Variants in GLIS3 observed in about 807,000 individuals in gnomAD.
GLIS3 encodes the protein zinc finger protein GLIS3.
In GLIS3, 53 loss-of-function variants were observed where a neutral mutation model predicts 78.6. That is an observed-to-expected ratio of 0.67 (90% CI 0.54 to 0.85). The LOEUF is 0.85. GLIS3 is among the 40% of genes least tolerant of loss of function. GLIS3 has a pLI of 0.00. For synonymous variants in GLIS3, 684 were observed against 509.9 expected, an observed-to-expected ratio of 1.34 and a Z score of -4.60; for missense variants, 1,703 against 1,231.1, an observed-to-expected ratio of 1.38 and a Z score of -5.74.
At chr9:4,143,288 C>T (rs925475657) in intron 2 of GLIS3, among the ~76,000 whole-genome samples, 6 of 151,908 alleles carry the variant, frequency 3.9e-5, no homozygotes, top group Non-Finnish European at 7.4e-5. Context: ...CTCTCTTGGC[C>T]GGGCACAGTG....
the GLIS3 span, among the ~76,000 whole-genome samples, chr9:4,474,857 C>T: frequency 1.3e-5 from 2 of 151,866 alleles, no homozygotes; most frequent in Non-Finnish European, 1.5e-5. Flanking sequence ...CCACCACACC[C>T]AGCTGATTTT....
chr9:3,842,231 T>G (rs1173732753), intron 9 of GLIS3, among the ~76,000 whole-genome samples: 1 of 152,136 alleles, frequency 6.6e-6, no homozygotes, highest in Non-Finnish European at 1.5e-5. Context: ...CCCAGCATGT[T>G]GGGAGGCCGA....
chr9:3,898,421 C>G, intron 7 of GLIS3: 1 of 482,600 alleles, frequency 2.1e-6, no homozygotes, highest in Non-Finnish European at 3.8e-6. Flanking sequence ...TGTAACATAA[C>G]TGCGAGGGTT....
intron 9 of GLIS3, among the ~76,000 whole-genome samples, chr9:3,841,863 A>G (rs1050543938): frequency 1.3e-5 from 2 of 152,222 alleles, no homozygotes; most frequent in African/African-American, 4.8e-5. Context: ...GCCTGGTGTT[A>G]CCTGTCATCC....
chr9:3,986,425 T>A (rs933297330), intron 4 of GLIS3, among the ~76,000 whole-genome samples: 1 of 152,232 alleles, frequency 6.6e-6, no homozygotes, highest in Non-Finnish European at 1.5e-5. Flanking sequence ...ACCCCCACTG[T>A]GATCTCTCAA....
upstream of GLIS3, among the ~76,000 whole-genome samples, chr9:4,300,764 G>A (rs1219302474): frequency 1.3e-5 from 2 of 151,778 alleles, no homozygotes; most frequent in Non-Finnish European, 2.9e-5. Context: ...GCCCTCAAAA[G>A]GTTGTTACAA....
Position 4,286,218 on chromosome 9 carries a change from G to T in GLIS3, c.208C>A (p.Pro70Thr). Residue 70 changes from proline to threonine, a missense_variant, in exon 2 of 11, where the codon CCT becomes ACT. By Grantham distance (38) the Pro-to-Thr change is conservative (BLOSUM62 -1). Transcript: ENST00000381971. ...LKMPSGGGMA[P>T]QNNVAESRIH... is the part of the protein sequence containing the mutation. The stretch of plus-strand genomic sequence containing the variant: ...CGGCTCTCAGCCACGTTGTTCTGAG[G>T]AGCCATCCCTCCTCCTGAGGGCATC... The T allele has an allele frequency of 6.2e-7, 1 of 1,614,206 alleles. No homozygotes were observed. The highest frequency in any genetic ancestry group is 1.3e-5 in the African/African-American group (1 of 75,044).
intron 4 of GLIS3, among the ~76,000 whole-genome samples, chr9:3,943,993 G>C (rs917824729): frequency 6.6e-6 from 1 of 152,160 alleles, no homozygotes; most frequent in African/African-American, 2.4e-5. Context: ...TTCCTGGCTT[G>C]TTGCGCTGCT....
At chr9:3,905,660 G>A (rs944972939) in intron 6 of GLIS3, among the ~76,000 whole-genome samples, 8 of 152,054 alleles carry the variant, frequency 5.3e-5, no homozygotes, top group Non-Finnish European at 8.8e-5. Flanking sequence ...TTCCCTTGAC[G>A]ATCACCCCTG....
At chr9:4,474,792 T>C in the GLIS3 span, among the ~76,000 whole-genome samples, 1 of 148,268 alleles carries the variant, frequency 6.7e-6, no homozygotes, top group African/African-American at 2.5e-5. Flanking sequence ...AACCTCCCAG[T>C]CTCAAGTGAT....
At chr9:4,244,457 A>C (rs1036420378) in intron 2 of GLIS3, among the ~76,000 whole-genome samples, 11 of 152,248 alleles carry the variant, frequency 7.2e-5, no homozygotes, top group East Asian at 1.9e-4. Context: ...GTACAAAAAG[A>C]AAGCAGGTTG....
At chr9:4,225,950 T>C (rs1414231631) in intron 2 of GLIS3, among the ~76,000 whole-genome samples, 1 of 152,198 alleles carries the variant, frequency 6.6e-6, no homozygotes, top group African/African-American at 2.4e-5. Context: ...AGAACACTTA[T>C]TAGCGCCACC....
intron 2 of GLIS3, among the ~76,000 whole-genome samples, chr9:4,183,059 T>A (rs971693011): frequency 1.3e-5 from 2 of 152,228 alleles, no homozygotes; most frequent in African/African-American, 4.8e-5. Context: ...GCCCACGTGC[T>A]GTCTGGAAGT....
chr9:3,828,284 G>A lies in GLIS3; in HGVS notation c.2781C>T (p.Tyr927=). 6.2e-7 allele frequency: 1 copy of A among 1,614,138 alleles called. No individual in the cohort carries two copies. The change falls in exon 11 of 11, where the codon TAC becomes TAT. Residue 927 remains tyrosine, a synonymous_variant. Transcript: ENST00000381971. ...DRCPSQLSSV[Y]TEG is the part of the protein sequence containing the mutation. The stretch of plus-strand genomic sequence containing the variant: ...GCCAAGAGAGCTTTTAGCCTTCGGT[G>A]TAGACAGAGGAGAGCTGGCTAGGAC...
At chr9:4,451,092 T>C in the GLIS3 span, among the ~76,000 whole-genome samples, 1 of 152,172 alleles carries the variant, frequency 6.6e-6, no homozygotes, top group Non-Finnish European at 1.5e-5. Flanking sequence ...GTGTGCTGTA[T>C]TCAGGAAACC....
chr9:3,937,234 T>C (rs374934500), intron 4 of GLIS3, 45 bp from the exon 5 acceptor site: 4 of 1,608,744 alleles, frequency 2.5e-6, no homozygotes, highest in Non-Finnish European at 2.6e-6. Context: ...GGACCTTGAA[T>C]GTTTGAGTCT....
chr9:4,337,166 T>A (rs1307860845), intron 2 of GLIS3, among the ~76,000 whole-genome samples: 1 of 152,210 alleles, frequency 6.6e-6, no homozygotes, highest in Non-Finnish European at 1.5e-5. Context: ...ACACATAGAA[T>A]CATTAAAAGT....
intron 4 of GLIS3, chr9:4,071,173 G>A (rs1346660692): frequency 6.6e-6 from 1 of 152,162 alleles, no homozygotes; most frequent in Non-Finnish European, 1.5e-5. Flanking sequence ...ACGTTGGGAG[G>A]CATGGGCTTC....
intron 7 of GLIS3, among the ~76,000 whole-genome samples, chr9:3,887,401 A>C (rs1014682587): frequency 1.3e-5 from 2 of 152,194 alleles, no homozygotes; most frequent in African/African-American, 4.8e-5. Context: ...CTATTAAGGT[A>C]AGTGAGGGCA....
Sources: allele counts gnomAD v4.1 joint callset (sites outside exome capture counted in the v4.1 genomes callset), GRCh38; gene constraint gnomAD v4.1.1; transcripts MANE v1.5; gene names NCBI Gene and HGNC (gene_info 2026-07-23, HGNC 2026-07-21).